KCNQ5: variants seen among roughly 807,000 people sequenced by gnomAD.
KCNQ5 encodes potassium voltage-gated channel subfamily KQT member 5.
Under a neutral mutation model 98.2 loss-of-function variants are expected in KCNQ5, and 30 were observed. The ratio of observed to expected loss-of-function variants is 0.31; its 90% CI spans 0.23 to 0.41. The LOEUF (loss-of-function observed/expected upper bound fraction) is 0.41. Ranked by LOEUF, KCNQ5 falls within the 10% of genes least tolerant of loss-of-function variation. The probability of loss-of-function intolerance (pLI) is 1.00; values close to 1 mark genes in which losing one functional copy is unlikely to be tolerated. For missense variants in KCNQ5, 835 were observed against 1,182.5 expected (o/e 0.71, Z 4.31); for synonymous variants, 458 against 449.4 (o/e 1.02, Z -0.24).
At chr6:72,770,603 G>A (rs1386008795) in intron 1 of KCNQ5, among the ~76,000 whole-genome samples, 6 of 151,856 alleles carry the variant, frequency 4.0e-5, no homozygotes, top group Admixed American at 2.0e-4. Context: ...TAATTATTTC[G>A]AGAAAGAAAA....
intron 1 of KCNQ5, among the ~76,000 whole-genome samples, chr6:72,869,551 G>C (rs1455477206): frequency 6.6e-6 from 1 of 152,048 alleles, no homozygotes; most frequent in Non-Finnish European, 1.5e-5. Flanking sequence ...TCCCCTGTAG[G>C]CTTCCTCGCT....
At chr6:72,657,332 A>G (rs1047036323) in intron 1 of KCNQ5, among the ~76,000 whole-genome samples, 1 of 152,212 alleles carries the variant, frequency 6.6e-6, no homozygotes, top group East Asian at 1.9e-4. Flanking sequence ...ATTAAATCAT[A>G]TTTTTTAAAT....
chr6:73,174,889 G>A (rs756363095), intron 11 of KCNQ5, among the ~76,000 whole-genome samples: 1 of 152,144 alleles, frequency 6.6e-6, no homozygotes, highest in Non-Finnish European at 1.5e-5. Context: ...GAGTTGTCTG[G>A]ACTCCTTATG....
chr6:72,714,067 C>G (rs900441391), intron 1 of KCNQ5, among the ~76,000 whole-genome samples: 1 of 152,178 alleles, frequency 6.6e-6, no homozygotes, highest in South Asian at 2.1e-4. Flanking sequence ...ACCTATGTGT[C>G]CTTACCCATT....
At chr6:72,954,274 T>C (rs1261269220) in intron 1 of KCNQ5, among the ~76,000 whole-genome samples, 2 of 152,126 alleles carry the variant, frequency 1.3e-5, no homozygotes, top group Non-Finnish European at 2.9e-5. Context: ...ATGCCTTTAC[T>C]GCTGTTCAAG....
intron 1 of KCNQ5, among the ~76,000 whole-genome samples, chr6:72,655,060 C>CTT (rs1565060413): frequency 6.7e-6 from 1 of 149,082 alleles, no homozygotes; most frequent in Non-Finnish European, 1.5e-5. Flanking sequence ...TTCTTTCTTT[C>CTT]TTTCTTTCTT....
intron 13 of KCNQ5, among the ~76,000 whole-genome samples, chr6:73,193,600 G>A (rs1235322605): frequency 6.6e-6 from 1 of 151,378 alleles, no homozygotes; most frequent in East Asian, 1.9e-4. Flanking sequence ...CATATACAAA[G>A]ACAATTTTCC....
chr6:73,089,261 G>C (rs1278335516), intron 5 of KCNQ5, among the ~76,000 whole-genome samples: 1 of 152,080 alleles, frequency 6.6e-6, no homozygotes. Context: ...ATCATTTCAG[G>C]TATTGATACA....
In KCNQ5 at chr6:72,777,410, G is replaced by A. The variant is rs557352761; in HGVS notation, c.398+154823G>A. Among the ~76,000 whole-genome samples, 23 of 152,258 alleles carry A rather than the reference G, an allele frequency of 1.5e-4. 1 individual carries two copies. In the South Asian group the frequency reaches 3.7e-3, roughly 25 times the overall value. On this transcript the variant is annotated intron_variant, in intron 1 of 13. Coordinates refer to ENST00000370398, the MANE Select transcript of KCNQ5 (RefSeq NM_019842.4). ...GATTTGCGATTAGTTGGATGGGGGT[G>A]GGGTAAGTGGAGTGGGTGGTTGAAG...
intron 1 of KCNQ5, among the ~76,000 whole-genome samples, chr6:72,745,716 C>T (rs1258394403): frequency 6.6e-6 from 1 of 152,154 alleles, no homozygotes; most frequent in East Asian, 1.9e-4. Context: ...TTACCACAAG[C>T]TGAGTGGTTC....
At chr6:72,744,983 A>G (rs1433566206) in intron 1 of KCNQ5, among the ~76,000 whole-genome samples, 2 of 152,184 alleles carry the variant, frequency 1.3e-5, no homozygotes, top group African/African-American at 4.8e-5. Context: ...AGGATGATCT[A>G]TAATACAGAG....
At chr6:72,752,794 T>A (rs1481776036) in intron 1 of KCNQ5, among the ~76,000 whole-genome samples, 1 of 152,132 alleles carries the variant, frequency 6.6e-6, no homozygotes, top group African/African-American at 2.4e-5. Context: ...TGTTTCTGAT[T>A]TTCTACAAGT....
intron 5 of KCNQ5, among the ~76,000 whole-genome samples, chr6:73,101,055 C>T (rs1243203569): frequency 1.3e-5 from 2 of 152,096 alleles, no homozygotes; most frequent in African/African-American, 4.8e-5. Flanking sequence ...TTCTACCAAA[C>T]AATGAAAGAA....
intron 1 of KCNQ5, among the ~76,000 whole-genome samples, chr6:72,926,611 C>G (rs1397843403): frequency 1.3e-5 from 2 of 151,980 alleles, no homozygotes; most frequent in Non-Finnish European, 2.9e-5. Context: ...AAGAGAAAAA[C>G]TTGTAATTGT....
chr6:73,184,131 G>A (rs1384283752), intron 11 of KCNQ5, among the ~76,000 whole-genome samples: 1 of 152,058 alleles, frequency 6.6e-6, no homozygotes, highest in Admixed American at 6.6e-5. Flanking sequence ...TTATCATGTT[G>A]TAGTATTACA....
intron 3 of KCNQ5, among the ~76,000 whole-genome samples, chr6:73,057,256 C>T (rs1050466257): frequency 1.4e-5 from 2 of 141,816 alleles, no homozygotes; most frequent in South Asian, 2.2e-4. Flanking sequence ...CATGTTCTCA[C>T]TCATAGGTGG....
At chr6:73,055,350 A>G (rs1241436282) in intron 3 of KCNQ5, 11 of 1,447,432 alleles carry the variant, frequency 7.6e-6, no homozygotes, top group South Asian at 4.6e-5. Context: ...TGGCGCCTCA[A>G]TGAGCAGCAC....
chr6:73,124,647 C>A, intron 9 of KCNQ5, 135 bp downstream of exon 9: 1 of 791,856 alleles, frequency 1.3e-6, no homozygotes, highest in Non-Finnish European at 2.2e-6. Context: ...AGATTGCCTG[C>A]AAAGATTGCT....
intron 1 of KCNQ5, among the ~76,000 whole-genome samples, chr6:72,977,408 A>G (rs1213546198): frequency 6.6e-6 from 1 of 152,216 alleles, no homozygotes; most frequent in African/African-American, 2.4e-5. Context: ...CCTGCCTAGA[A>G]GGTCTATCTG....
Sources: gnomAD v4.1 joint callset for allele counts (sites outside exome capture counted in the v4.1 genomes callset) on GRCh38, gnomAD v4.1.1 for gene constraint, MANE v1.5 for transcripts, NCBI Gene and HGNC (gene_info 2026-07-23, HGNC 2026-07-21) for gene names.